GPHN: variants seen among roughly 807,000 people sequenced by gnomAD.
GPHN encodes gephyrin.
Under a neutral mutation model 95.5 loss-of-function variants are expected in GPHN, and 17 were observed. The observed-to-expected ratio is 0.18, with a 90% CI of 0.12 to 0.27. The LOEUF is 0.27. Among genes scored for constraint, GPHN ranks in the 10% least tolerant of loss-of-function variants. The pLI is 1.00. For missense variants in GPHN, 660 were observed against 978.1 expected, an observed-to-expected ratio of 0.67 and a Z score of 4.34; for synonymous variants, 320 against 322.5, an observed-to-expected ratio of 0.99 and a Z score of 0.08.
chr14:66,960,261 G>T (rs1006148926), intron 8 of GPHN, among the ~76,000 whole-genome samples: 5 of 142,932 alleles, frequency 3.5e-5, no homozygotes, highest in Non-Finnish European at 4.5e-5. Flanking sequence ...GACAGTTTCC[G>T]TTCATTTCTT....
the GPHN span, chr14:67,574,164 G>T: frequency 7.5e-7 from 1 of 1,337,766 alleles, no homozygotes; most frequent in South Asian, 1.5e-5. The surrounding 1 kb of genome is among the most constrained non-coding windows in gnomAD (Gnocchi z 4.2). Context: ...TTCAGGGACA[G>T]GTGCCACCTC....
chr14:66,722,542 C>T (rs1278388462), intron 2 of GPHN, among the ~76,000 whole-genome samples: 2 of 152,096 alleles, frequency 1.3e-5, no homozygotes, highest in Non-Finnish European at 2.9e-5. Flanking sequence ...CTCCTGGGCT[C>T]AAGTGATCCT....
chr14:67,352,833 A>G, the GPHN span: 1 of 762,732 alleles, frequency 1.3e-6, no homozygotes, highest in Non-Finnish European at 2.0e-6. Flanking sequence ...GAAAAAAATT[A>G]ATTAAAATAA....
chr14:67,581,947 C>T, the GPHN span: 1 of 949,356 alleles, frequency 1.1e-6, no homozygotes. Context: ...ACAAAATAGG[C>T]TCATAAATAG....
At chr14:67,573,198 G>A in the GPHN span, 1 of 852,038 alleles carries the variant, frequency 1.2e-6, no homozygotes, top group Non-Finnish European at 2.0e-6. This position sits in a 1 kb window ranked among gnomAD's most constrained non-coding sequence, Gnocchi z 4.8. Context: ...TGAGGCAGCT[G>A]GACCACTTGG....
In GPHN at chr14:66,553,040, G is replaced by C. The variant is rs140303254; in HGVS notation, c.64+44449G>C. ...AGTTTCGTTGTTGTTTCCCAGGCTG[G>C]AGTGCAGTGGCACGATCTTGGCTCA... On this transcript the variant is annotated intron_variant, in intron 1 of 22. Coordinates refer to ENST00000478722, the MANE Select transcript of GPHN (RefSeq NM_020806.5). Among the ~76,000 whole-genome samples, 75 of 150,226 alleles carry C rather than the reference G, an allele frequency of 5.0e-4. 1 individual carries two copies. The highest frequency in any genetic ancestry group is 1.7e-3 in the African/African-American group (68 of 40,568).
chr14:67,420,398 A>G, the GPHN span, among the ~76,000 whole-genome samples: 2 of 152,220 alleles, frequency 1.3e-5, no homozygotes, highest in African/African-American at 4.8e-5. Flanking sequence ...GAACGAAGGG[A>G]CGTGTGACCG....
the GPHN span, chr14:67,593,784 C>A: frequency 1.9e-6 from 3 of 1,613,442 alleles, no homozygotes; most frequent in East Asian, 6.7e-5. Flanking sequence ...TTGACCTTGC[C>A]CATTTCTATG....
intron 21 of GPHN, among the ~76,000 whole-genome samples, chr14:67,171,112 G>A (rs749438588): frequency 2.6e-5 from 4 of 152,102 alleles, no homozygotes; most frequent in Non-Finnish European, 5.9e-5. Context: ...TCCTCAGGAG[G>A]CTCAGGCAGG....
the GPHN span, among the ~76,000 whole-genome samples, chr14:67,391,100 G>A: frequency 1.0e-3 from 153 of 152,204 alleles, no homozygotes; most frequent in African/African-American, 3.4e-3. Flanking sequence ...TGAACCCAAG[G>A]GCACCAGCTA....
At chr14:66,918,063 A>G (rs2066003769) in intron 6 of GPHN, among the ~76,000 whole-genome samples, 1 of 152,244 alleles carries the variant, frequency 6.6e-6, no homozygotes, top group South Asian at 2.1e-4. Flanking sequence ...TTCAGGTTTA[A>G]TAATTTACTA....
chr14:67,168,387 A>G lies in GPHN; in HGVS notation c.1976-546A>G, dbSNP rs189966505. Among the ~76,000 whole-genome samples, 12 of 152,288 alleles carry G rather than the reference A, an allele frequency of 7.9e-5. No individual in the cohort carries two copies. In the East Asian group the frequency reaches 2.3e-3, roughly 29 times the overall value. On this transcript the variant is annotated intron_variant, in intron 20 of 22. Coordinates refer to ENST00000478722, the MANE Select transcript of GPHN (RefSeq NM_020806.5). ...TTGGAGTTATAGCTTTATCATATGA[A>G]TTCAATCCATAACAGTATTCATCTT...
At chr14:66,620,988 A>C (rs2063266903) in intron 1 of GPHN, among the ~76,000 whole-genome samples, 1 of 152,060 alleles carries the variant, frequency 6.6e-6, no homozygotes, top group South Asian at 2.1e-4. Flanking sequence ...TTTGAGAGAG[A>C]GAGTCTAACT....
At chr14:66,573,788 C>A (rs2060796743) in intron 1 of GPHN, among the ~76,000 whole-genome samples, 1 of 151,938 alleles carries the variant, frequency 6.6e-6, no homozygotes, top group South Asian at 2.1e-4. Flanking sequence ...TCTCTTGTGA[C>A]TTAAAGTCTA....
intron 2 of GPHN, among the ~76,000 whole-genome samples, chr14:66,717,921 A>G (rs1464280084): frequency 6.6e-6 from 1 of 152,136 alleles, no homozygotes; most frequent in African/African-American, 2.4e-5. Flanking sequence ...AAGGGGGTAA[A>G]ATGAACTCTG....
the GPHN span, among the ~76,000 whole-genome samples, chr14:67,513,169 G>A: frequency 5.8e-4 from 88 of 152,250 alleles, no homozygotes; most frequent in African/African-American, 1.3e-3. Flanking sequence ...AACATGCCAC[G>A]GAAAAGCCCA....
intron 10 of GPHN, among the ~76,000 whole-genome samples, chr14:67,026,800 G>C (rs1236784778): frequency 6.6e-6 from 1 of 152,004 alleles, no homozygotes; most frequent in African/African-American, 2.4e-5. Flanking sequence ...CCGCCACCTC[G>C]CCCGGCTAAT....
At chr14:67,483,413 A>T in the GPHN span, among the ~76,000 whole-genome samples, 1 of 152,194 alleles carries the variant, frequency 6.6e-6, no homozygotes, top group African/African-American at 2.4e-5. Flanking sequence ...ACTGCCCCCG[A>T]GGCTGACTGC....
chr14:67,155,022 A>C (rs1315348333), intron 18 of GPHN, among the ~76,000 whole-genome samples: 1 of 152,178 alleles, frequency 6.6e-6, no homozygotes, highest in Non-Finnish European at 1.5e-5. Context: ...AGGTGGGGTG[A>C]GAGCTATTAA....
Sources: gnomAD v4.1 joint callset for allele counts (sites outside exome capture counted in the v4.1 genomes callset) on GRCh38, gnomAD v4.1.1 for gene constraint, Gnocchi (gnomAD v3.1) non-coding constraint, MANE v1.5 for transcripts, NCBI Gene and HGNC (gene_info 2026-07-23, HGNC 2026-07-21) for gene names.